The following VGLL4 variants were observed in gnomAD, a reference collection of about 807,000 sequenced individuals.
VGLL4 encodes the protein vestigial like family member 4.
In VGLL4, 7 loss-of-function variants were observed where a neutral mutation model predicts 21.0. The ratio of observed to expected loss-of-function variants is 0.33; its 90% CI spans 0.19 to 0.63. The LOEUF is 0.63. Among genes scored for constraint, VGLL4 ranks in the 20% least tolerant of loss-of-function variants. The pLI, the probability that VGLL4 is intolerant of heterozygous loss-of-function variation, is 0.78. For missense variants in VGLL4, 394 were observed against 425.7 expected, an observed-to-expected ratio of 0.93 and a Z score of 0.66; for synonymous variants, 222 against 173.2, an observed-to-expected ratio of 1.28 and a Z score of -2.21.
chr3:11,714,112 G>C (rs2076886921), intron 1 of VGLL4, among the ~76,000 whole-genome samples: 1 of 152,198 alleles, frequency 6.6e-6, no homozygotes, highest in African/African-American at 2.4e-5. Flanking sequence ...CTGTATGAAA[G>C]TTGATCATGT....
At chr3:11,716,154 T>C (rs1265522696) in intron 1 of VGLL4, among the ~76,000 whole-genome samples, 1 of 151,526 alleles carries the variant, frequency 6.6e-6, no homozygotes, top group Admixed American at 6.6e-5. Flanking sequence ...ATACAAAAAT[T>C]AGCCAGGTGT....
chr3:11,611,341 T>C (rs551768025), intron 1 of VGLL4, among the ~76,000 whole-genome samples: 3 of 152,154 alleles, frequency 2.0e-5, no homozygotes, highest in Non-Finnish European at 2.9e-5. Flanking sequence ...CAAAGACACA[T>C]TGCAGAAAGG....
intron 2 of VGLL4, among the ~76,000 whole-genome samples, chr3:11,578,938 CG>C (rs2074143392): frequency 6.6e-6 from 1 of 151,678 alleles, no homozygotes; most frequent in Admixed American, 6.6e-5. Context: ...TTAGTAGAGA[CG>C]GGGTTTCATC....
chr3:11,682,984 T>C (rs1208061287), intron 2 of VGLL4, among the ~76,000 whole-genome samples: 3 of 151,952 alleles, frequency 2.0e-5, no homozygotes, highest in East Asian at 1.9e-4. Context: ...TCCCAGAACT[T>C]TGGGAGGCCG....
At chr3:11,559,685 AG>A (rs1198275651) in intron 3 of VGLL4, among the ~76,000 whole-genome samples, 1 of 152,212 alleles carries the variant, frequency 6.6e-6, no homozygotes, top group Non-Finnish European at 1.5e-5. Context: ...TGGATCAGTG[AG>A]GGTACAAAGG....
intron 1 of VGLL4, among the ~76,000 whole-genome samples, chr3:11,618,429 A>C (rs552041256): frequency 2.8e-4 from 43 of 152,248 alleles, no homozygotes; most frequent in Non-Finnish European, 5.9e-4. Context: ...TGGAGAGTCA[A>C]ACAGCTAATT....
At chr3:11,615,567 A>T (rs2075146674) in intron 1 of VGLL4, among the ~76,000 whole-genome samples, 1 of 152,230 alleles carries the variant, frequency 6.6e-6, no homozygotes, top group South Asian at 2.1e-4. Flanking sequence ...CTCTGTTAGA[A>T]ACAAGTAAGC....
At chr3:11,702,341 A>G (rs1012436834) in intron 2 of VGLL4, among the ~76,000 whole-genome samples, 3 of 151,768 alleles carry the variant, frequency 2.0e-5, no homozygotes, top group Non-Finnish European at 2.9e-5. Context: ...CAGACGTGGC[A>G]GCTCCCGTGT....
chr3:11,714,221 A>C (rs1191600382), intron 1 of VGLL4, among the ~76,000 whole-genome samples: 1 of 152,210 alleles, frequency 6.6e-6, no homozygotes, highest in South Asian at 2.1e-4. Flanking sequence ...ATGCTGGTGC[A>C]AAATTCTTAC....
At chr3:11,685,203 T>C (rs1196954663) in intron 2 of VGLL4, among the ~76,000 whole-genome samples, 1 of 110,488 alleles carries the variant, frequency 9.1e-6, no homozygotes, top group Admixed American at 8.3e-5. Context: ...TGGTGTTGTT[T>C]TTTTTTTTTT....
chr3:11,627,801 T>G (rs2075386625), intron 1 of VGLL4, among the ~76,000 whole-genome samples: 1 of 152,092 alleles, frequency 6.6e-6, no homozygotes, highest in South Asian at 2.1e-4. Context: ...GACTATAAAC[T>G]CAACAGAAAT....
intron 2 of VGLL4, among the ~76,000 whole-genome samples, chr3:11,596,178 AGCATGT>A (rs1275036206): frequency 6.6e-6 from 1 of 152,156 alleles, no homozygotes; most frequent in East Asian, 1.9e-4. Flanking sequence ...AACTTTGGGG[AGCATGT>A]TCATATCTTA....
intron 1 of VGLL4, among the ~76,000 whole-genome samples, chr3:11,705,262 C>T (rs980052054): frequency 6.6e-6 from 1 of 152,198 alleles, no homozygotes; most frequent in Non-Finnish European, 1.5e-5. Context: ...GGGCGGACAA[C>T]GGGAAGGCCA....
chr3:11,643,666 A>C lies in VGLL4; in HGVS notation c.-148T>G, dbSNP rs1287341514. On this transcript the variant is annotated 5_prime_UTR_variant, in exon 1 of 5. Transcript: ENST00000430365. Reference sequence around the variant, plus strand: ...AGACTATCAAAACAAAGTATGCAAAAGTTAAAAAAAAAAAAATCAGGCACA... The same window carrying C: ...AGACTATCAAAACAAAGTATGCAAACGTTAAAAAAAAAAAAATCAGGCACA... The C allele has an allele frequency of 5.0e-6, 7 of 1,411,110 alleles. No homozygotes were observed. The East Asian group carries it at 1.8e-4, about 37-fold the overall frequency. The allele number at this position is 1,411,110 out of a possible 1,614,324, so 87.4% of individuals were successfully genotyped here.
intron 1 of VGLL4, among the ~76,000 whole-genome samples, chr3:11,718,891 T>A (rs1410679852): frequency 6.6e-6 from 1 of 152,184 alleles, no homozygotes; most frequent in Non-Finnish European, 1.5e-5. Flanking sequence ...TTTTTAATCA[T>A]CTAACTTAAA....
intron 1 of VGLL4, among the ~76,000 whole-genome samples, chr3:11,708,115 T>A (rs1344806994): frequency 2.0e-5 from 3 of 152,214 alleles, no homozygotes; most frequent in African/African-American, 7.2e-5. Flanking sequence ...CCTCTGTGTG[T>A]CTATTTCCTC....
chr3:11,688,805 G>A (rs538582600), intron 2 of VGLL4, among the ~76,000 whole-genome samples: 2 of 152,092 alleles, frequency 1.3e-5, no homozygotes, highest in South Asian at 4.1e-4. Flanking sequence ...GATCACCTGA[G>A]GTCAGGAGTT....
At chr3:11,644,064 G>A (rs990050944), upstream of VGLL4, 1 of 915,810 alleles carries the variant, frequency 1.1e-6, no homozygotes, top group African/African-American at 1.8e-5. Flanking sequence ...AGGGGAGGGG[G>A]AGAGACTCTA....
chr3:11,600,839 T>C (rs538090593), intron 2 of VGLL4, among the ~76,000 whole-genome samples: 4 of 152,252 alleles, frequency 2.6e-5, no homozygotes, highest in African/African-American at 4.8e-5. Context: ...CACTGACTCA[T>C]GCTAGAGTGA....
Sources: allele counts gnomAD v4.1 joint callset (sites outside exome capture counted in the v4.1 genomes callset), GRCh38; gene constraint gnomAD v4.1.1; transcripts MANE v1.5; gene names NCBI Gene and HGNC (gene_info 2026-07-23, HGNC 2026-07-21).